The following PAX5 variants were observed in gnomAD, a reference collection of about 807,000 sequenced individuals.
The protein encoded by PAX5 is paired box protein Pax-5.
A neutral mutation model predicts 43.7 loss-of-function variants in PAX5; 9 were observed. The ratio of observed to expected loss-of-function variants is 0.21; its 90% CI spans 0.12 to 0.36. PAX5 has a LOEUF of 0.36. Ranked by LOEUF, PAX5 falls within the 10% of genes least tolerant of loss-of-function variation. The probability of loss-of-function intolerance (pLI) is 1.00; values close to 1 mark genes in which losing one functional copy is unlikely to be tolerated. For synonymous variants in PAX5, 228 were observed against 214.3 expected (o/e 1.06, Z -0.56); for missense variants, 383 against 532.7 (o/e 0.72, Z 2.77).
chr9:36,839,120 G>A lies in PAX5; in HGVS notation c.*1440C>T, dbSNP rs1821845412. On this transcript the variant is annotated 3_prime_UTR_variant, in exon 10 of 10. Transcript: ENST00000358127. The stretch of plus-strand genomic sequence containing the variant: ...CCCAGGTAAAGAGATGATGGCACCT[G>A]GCACCCCCATGTCAAAATCACTCCC... 4.3e-6 allele frequency: 1 copy of A among 233,526 alleles called. No individual in the cohort carries two copies. The highest frequency in any genetic ancestry group is 8.5e-6 in the Non-Finnish European group (1 of 118,236). 14.5% of individuals were successfully genotyped at this position (233,526 alleles called of 1,614,324 possible).
At chr9:36,903,279 C>T (rs907277911) in intron 7 of PAX5, among the ~76,000 whole-genome samples, 3 of 152,184 alleles carry the variant, frequency 2.0e-5, no homozygotes, top group African/African-American at 7.2e-5. Context: ...TATGTGGTCC[C>T]GGCTACTCAG....
intron 7 of PAX5, among the ~76,000 whole-genome samples, chr9:36,921,807 C>A (rs956357218): frequency 2.6e-5 from 4 of 152,212 alleles, no homozygotes; most frequent in African/African-American, 9.6e-5. Flanking sequence ...CTAACTCCCC[C>A]TTACCCCTTA....
chr9:36,895,189 AG>A (rs1250347487), intron 7 of PAX5, among the ~76,000 whole-genome samples: 2 of 152,236 alleles, frequency 1.3e-5, no homozygotes, highest in Non-Finnish European at 2.9e-5. Flanking sequence ...AGAGGCGCAG[AG>A]GGAAGCAGGC....
At chr9:36,973,088 A>AACGGAACGGAACGGAAC (rs1564026594) in intron 5 of PAX5, among the ~76,000 whole-genome samples, 7 of 87,890 alleles carry the variant, frequency 8.0e-5, no homozygotes, top group African/African-American at 1.4e-4. Flanking sequence ...CGGAACGGAA[A>AACGGAACGGAACGGAAC]GGAAAGGAAA....
chr9:36,963,226 G>A (rs895090880), intron 6 of PAX5, among the ~76,000 whole-genome samples: 5 of 152,164 alleles, frequency 3.3e-5, no homozygotes, highest in African/African-American at 4.8e-5. Context: ...TGCAGTCGCC[G>A]TCTCAGAGCG....
intron 5 of PAX5, among the ~76,000 whole-genome samples, chr9:36,970,297 A>G (rs991230059): frequency 7.2e-5 from 11 of 152,130 alleles, no homozygotes; most frequent in African/African-American, 2.7e-4. Context: ...GATGGGGCAG[A>G]GAGGGTGCCA....
At chr9:36,907,075 G>A (rs1197740755) in intron 7 of PAX5, among the ~76,000 whole-genome samples, 1 of 152,104 alleles carries the variant, frequency 6.6e-6, no homozygotes. Flanking sequence ...CTCTGCTTGA[G>A]GGGCTTGGTA....
At chr9:36,930,486 C>A (rs1831039184) in intron 6 of PAX5, among the ~76,000 whole-genome samples, 2 of 152,138 alleles carry the variant, frequency 1.3e-5, no homozygotes, top group Non-Finnish European at 2.9e-5. Context: ...CCCAACCTCC[C>A]AAAGTGCTGG....
chr9:36,857,430 C>A (rs564995401), intron 8 of PAX5, among the ~76,000 whole-genome samples: 1 of 152,188 alleles, frequency 6.6e-6, no homozygotes, highest in Non-Finnish European at 1.5e-5. Context: ...CAGTGAAATG[C>A]GCCTAGGCTT....
At chr9:36,994,614 C>G (rs1588170624) in intron 5 of PAX5, among the ~76,000 whole-genome samples, 1 of 152,184 alleles carries the variant, frequency 6.6e-6, no homozygotes, top group South Asian at 2.1e-4. Flanking sequence ...TGCTAAGACT[C>G]CAGAAGCTCA....
At chr9:36,853,606 G>A (rs1823369946) in intron 8 of PAX5, among the ~76,000 whole-genome samples, 1 of 152,204 alleles carries the variant, frequency 6.6e-6, no homozygotes. Context: ...CAGAGAGAAA[G>A]CAGAGCCTTA....
intron 7 of PAX5, among the ~76,000 whole-genome samples, chr9:36,920,940 A>G (rs1225949948): frequency 6.6e-6 from 1 of 150,766 alleles, no homozygotes; most frequent in African/African-American, 2.4e-5. Flanking sequence ...CAGCCTCCCA[A>G]GTAGCTAGGA....
Position 36,892,964 on chromosome 9 carries a change from G to A in PAX5, c.911-10859C>T, listed in dbSNP as rs528037512. 8.9e-4 allele frequency among the ~76,000 whole-genome samples: 136 copies of A among 152,352 alleles called. 1 individual carries two copies. The highest frequency in any genetic ancestry group is 3.2e-3 in the African/African-American group (133 of 41,580). Reference sequence around the variant, plus strand: ...ATTAAAATGTTACTGAAAATATACAGAAGACACTGTTAACTTTGGGGAGAG... The same window carrying A: ...ATTAAAATGTTACTGAAAATATACAAAAGACACTGTTAACTTTGGGGAGAG... On this transcript the variant is annotated intron_variant, in intron 7 of 9. Transcript: ENST00000358127.
At chr9:36,872,248 C>CA (rs1223887746) in intron 8 of PAX5, among the ~76,000 whole-genome samples, 1 of 152,210 alleles carries the variant, frequency 6.6e-6, no homozygotes, top group Admixed American at 6.5e-5. Flanking sequence ...TTATACATGA[C>CA]AGCCCAGGGC....
Position 36,968,639 on chromosome 9 carries a change from C to T in PAX5, c.605-1915G>A, listed in dbSNP as rs577409002. Among the ~76,000 whole-genome samples, 3 of 152,278 alleles carry T rather than the reference C, an allele frequency of 2.0e-5. No homozygotes were observed. The East Asian group carries it at 5.8e-4, about 29-fold the overall frequency. On this transcript the variant is annotated intron_variant, in intron 5 of 9. Coordinates refer to ENST00000358127, the MANE Select transcript of PAX5 (RefSeq NM_016734.3). ...CATGTGGGCCAAGGCAGAAGTTGGT[C>T]TCTCTGACCAACGTTCCCCAGCCTG...
chr9:37,013,870 C>T (rs1482508770), intron 3 of PAX5, among the ~76,000 whole-genome samples: 3 of 152,198 alleles, frequency 2.0e-5, no homozygotes, highest in Non-Finnish European at 4.4e-5. Context: ...TGAACACATG[C>T]ACTCCCACAG....
At chr9:36,935,784 C>G (rs1276645600) in intron 6 of PAX5, among the ~76,000 whole-genome samples, 2 of 152,232 alleles carry the variant, frequency 1.3e-5, no homozygotes, top group African/African-American at 4.8e-5. Flanking sequence ...CTTTCCGAGG[C>G]AGCCACACAG....
chr9:36,973,365 G>A (rs549860549), intron 5 of PAX5, among the ~76,000 whole-genome samples: 1 of 152,118 alleles, frequency 6.6e-6, no homozygotes, highest in Non-Finnish European at 1.5e-5. Context: ...GGACAGAGCA[G>A]GTCCTGATGG....
intron 7 of PAX5, among the ~76,000 whole-genome samples, chr9:36,891,179 T>C (rs1376492888): frequency 6.6e-6 from 1 of 152,216 alleles, no homozygotes; most frequent in Non-Finnish European, 1.5e-5. Context: ...TATTGTTCAC[T>C]TTATATTTGT....
Sources: gnomAD v4.1 joint callset for allele counts (sites outside exome capture counted in the v4.1 genomes callset) on GRCh38, gnomAD v4.1.1 for gene constraint, MANE v1.5 for transcripts, NCBI Gene and HGNC (gene_info 2026-07-23, HGNC 2026-07-21) for gene names.